The following DNAH10 variants were observed in gnomAD, a reference collection of about 807,000 sequenced individuals.
DNAH10 encodes the protein axonemal beta dynein heavy chain 10.
A neutral mutation model predicts 506.6 loss-of-function variants in DNAH10; 348 were observed. That is an observed-to-expected ratio of 0.69 (90% CI 0.63 to 0.75). DNAH10 has a LOEUF of 0.75. Among genes scored for constraint, DNAH10 ranks in the 30% least tolerant of loss-of-function variants. DNAH10 has a pLI of 0.00. For missense variants in DNAH10, 5,179 were observed against 5,787.1 expected (o/e 0.89, Z 3.41); for synonymous variants, 2,059 against 2,198.6 (o/e 0.94, Z 1.78).
Position 123,930,390 on chromosome 12 carries a change from C to G in DNAH10, c.12613-12C>G, listed in dbSNP as rs747398542. The G allele has an allele frequency of 6.5e-7, 1 of 1,537,248 alleles. No individual in the cohort carries two copies. Among genetic ancestry groups the G allele is most frequent in the South Asian group, 1.3e-5 (1 of 77,540 alleles). On this transcript the variant is annotated splice_polypyrimidine_tract_variant and intron_variant, in intron 72 of 78. Transcript: ENST00000673944. ...TGAGCTCCTGGCTGGCTCTCAGGCC[C>G]TCTAATTTCAGGTCATGTATGGAGG...
chr12:123,767,942 A>C (rs1325131896), intron 2 of DNAH10, among the ~76,000 whole-genome samples: 1 of 152,150 alleles, frequency 6.6e-6, no homozygotes, highest in Admixed American at 6.5e-5. Flanking sequence ...CTCCAAAATC[A>C]AGGTGCTGGC....
At chr12:123,912,445 CT>C (rs1673508232) in intron 59 of DNAH10, among the ~76,000 whole-genome samples, 1 of 60,090 alleles carries the variant, frequency 1.7e-5, no homozygotes, top group Non-Finnish European at 2.8e-5. Context: ...GGGGTCTGTC[CT>C]GGGGGGTCTG....
At position 123,929,311 on chromosome 12, in the gene DNAH10, A is replaced by T. The variant is rs1335849761; in HGVS notation, c.12343A>T (p.Met4115Leu). The T allele has an allele frequency of 6.2e-7, 1 of 1,604,638 alleles. No individual in the cohort carries two copies. The part of the protein sequence containing the change: ...TEPPNGLKLN[M>L]RATYFKISHE... ...GCCACCCAATGGGCTGAAACTCAACATGAGGGCAACTTACTTCAAGATCTC... is the reference window on the plus strand; with the variant it reads ...GCCACCCAATGGGCTGAAACTCAACTTGAGGGCAACTTACTTCAAGATCTC... Residue 4115 changes from methionine (M) to leucine (L), a missense_variant, in exon 71 of 79, where the codon ATG (methionine) becomes TTG (leucine). Coordinates refer to ENST00000673944, the MANE Select transcript of DNAH10 (RefSeq NM_001372106.1).
chr12:123,801,879 G>A (rs1404287834), intron 16 of DNAH10, among the ~76,000 whole-genome samples: 2 of 152,158 alleles, frequency 1.3e-5, no homozygotes, highest in East Asian at 1.9e-4. Flanking sequence ...ACACCACAGC[G>A]AGTACTGTCA....
intron 5 of DNAH10, among the ~76,000 whole-genome samples, chr12:123,775,581 A>C (rs1030808474): frequency 1.3e-5 from 2 of 152,332 alleles, no homozygotes; most frequent in South Asian, 2.1e-4. Context: ...TGCTGGGCAG[A>C]GAGAACAGCA....
rs896465122 is a variant in DNAH10 at position 123,902,864 on chromosome 12, C to T, written c.9641-75C>T. 39 of 1,487,506 alleles carry T rather than the reference C, an allele frequency of 2.6e-5. No homozygotes were observed. The highest frequency in any genetic ancestry group is 1.4e-4 in the Admixed American group (6 of 44,272). The allele number at this position is 1,487,506 out of a possible 1,614,324, so 92.1% of individuals were successfully genotyped here. ...CTCAAGCCAACCTTTGAGGACTGCA[C>T]TCTGCTCAGAGCCGGGGCCGCGAGT... On this transcript the variant is annotated intron_variant, in intron 56 of 78. Coordinates refer to ENST00000673944, the MANE Select transcript of DNAH10 (RefSeq NM_001372106.1). The surrounding 1 kb of genome is among the most constrained non-coding windows in gnomAD (Gnocchi z 4.5).
Position 123,903,096 on chromosome 12 carries a change from G to A in DNAH10, c.9798G>A (p.Ser3266=), listed in dbSNP as rs766917235. Residue 3266 remains serine (S), a synonymous_variant, in exon 57 of 79, where the codon TCG becomes TCA. Coordinates refer to ENST00000673944, the MANE Select transcript of DNAH10 (RefSeq NM_001372106.1). This position sits in a 1 kb window ranked among gnomAD's most constrained non-coding sequence, Gnocchi z 4.6. ...TGGAACTGCAGAAGCTGGACAAGTCGGACGTGACTGAGATTAGGTAATGCA... is the reference window on the plus strand; with the variant it reads ...TGGAACTGCAGAAGCTGGACAAGTCAGACGTGACTGAGATTAGGTAATGCA... ...AKLELQKLDK[S]DVTEIRSFAK... 47 of 1,610,390 alleles carry A rather than the reference G, an allele frequency of 2.9e-5. No individual in the cohort carries two copies. In the African/African-American group the frequency reaches 4.5e-4, roughly 16 times the overall value.
In DNAH10 at chr12:123,879,288, G is replaced by T; in HGVS notation, c.8397G>T (p.Val2799=). 1.9e-6 allele frequency: 3 copies of T among 1,579,110 alleles called. No homozygotes were observed. The highest frequency in any genetic ancestry group is 1.8e-5 in the Admixed American group (1 of 54,856). Residue 2799 remains valine (V), a synonymous_variant, in exon 49 of 79, where the codon GTG becomes GTT. Coordinates refer to ENST00000673944, the MANE Select transcript of DNAH10 (RefSeq NM_001372106.1). ...GATTCCAGACGGTGGCCCAGATGGT[G>T]AGAGTCTGGAGGAATGAGTGTCTGA... ...PERFQTVAQM[V]RVWRNECLRV...
chr12:123,846,442 A>G lies in DNAH10; in HGVS notation c.5814+288A>G, dbSNP rs1300350161. 2.0e-5 allele frequency among the ~76,000 whole-genome samples: 3 copies of G among 152,150 alleles called. No individual in the cohort carries two copies. Among genetic ancestry groups the G allele is most frequent in the African/African-American group, 7.2e-5 (3 of 41,438 alleles). ...AGGAATGTCAAAGGTGGTGACTGTT[A>G]GGGCAAGTGTGATGTGGTTTTGCAC... On this transcript the variant is annotated intron_variant, in intron 32 of 78. Coordinates refer to ENST00000673944, the MANE Select transcript of DNAH10 (RefSeq NM_001372106.1). The surrounding 1 kb of genome is among the most constrained non-coding windows in gnomAD (Gnocchi z 4.5).
chr12:123,854,582 A>G (rs765331095), intron 36 of DNAH10, among the ~76,000 whole-genome samples: 2 of 152,242 alleles, frequency 1.3e-5, no homozygotes, highest in Non-Finnish European at 2.9e-5. Context: ...AGGACTTCCG[A>G]GAAAGAGGTA....
Position 123,804,978 on chromosome 12 carries a change from G to T in DNAH10, c.2925G>T (p.Leu975=). The T allele has an allele frequency of 6.2e-7, 1 of 1,614,178 alleles. No homozygotes were observed. Among genetic ancestry groups the T allele is most frequent in the Non-Finnish European group, 8.5e-7 (1 of 1,180,038 alleles). Residue 975 remains leucine (L), a synonymous_variant, in exon 18 of 79, where the codon CTG becomes CTT. Transcript: ENST00000673944. ...CCAACACAGGCAAGGCCCCCAAGCT[G>T]GCCTCCTACTACAAATACTGGGAAA... ...VHTNTGKAPK[L]ASYYKYWEKK...
chr12:123,879,866 G>A, intron 50 of DNAH10, 65 bp downstream of exon 50: 1 of 1,563,276 alleles, frequency 6.4e-7, no homozygotes, highest in South Asian at 1.2e-5. Flanking sequence ...AGCGGGAGCT[G>A]AGCATCGCGC....
chr12:123,832,189 C>T (rs576472560), intron 26 of DNAH10, among the ~76,000 whole-genome samples: 48 of 152,170 alleles, frequency 3.2e-4, no homozygotes, highest in African/African-American at 6.3e-4. Flanking sequence ...AATATACACA[C>T]GTACACATAA....
Position 123,914,883 on chromosome 12 carries a change from C to T in DNAH10, c.10606C>T (p.Leu3536Phe), listed in dbSNP as rs1327530242. The T allele has an allele frequency of 6.2e-7, 1 of 1,613,680 alleles. No individual in the cohort carries two copies. Among genetic ancestry groups the T allele is most frequent in the Admixed American group, 1.7e-5 (1 of 59,980 alleles). The change falls in exon 62 of 79, where the codon CTC (leucine) becomes TTC (phenylalanine). Residue 3536 changes from leucine to phenylalanine, a missense_variant. Transcript: ENST00000673944. ...ATCCCAGGGCCTTCCCCCCGATGAG[C>T]TCTCCGTTCAGAATGGCATCCTCAC... ...WGSQGLPPDE[L>F]SVQNGILTTR...
In DNAH10 at chr12:123,873,502, A is replaced by G. The variant is rs1045955303; in HGVS notation, c.7786-56A>G. 5 of 1,541,766 alleles carry G rather than the reference A, an allele frequency of 3.2e-6. No homozygotes were observed. In the South Asian group the frequency reaches 6.4e-5, roughly 20 times the overall value. ...GTTGCTAGCTTATTTGCAAATGTTT[A>G]CTGCTGCTACCCTGGGGAAAAAGCT... On this transcript the variant is annotated intron_variant, in intron 45 of 78. Transcript: ENST00000673944.
At position 123,819,057 on chromosome 12, in the gene DNAH10, T is replaced by G; in HGVS notation, c.3888T>G (p.Thr1296=). ...VEHALGDIKR[T]FTELTRGEIM... ...ATGCTCTTGGGGACATAAAGAGAAC[T>G]TTCACAGAGGTACCTTTTAAATTTC... Residue 1296 remains threonine (T), a synonymous_variant, in exon 22 of 79, where the codon ACT becomes ACG. Coordinates refer to ENST00000673944, the MANE Select transcript of DNAH10 (RefSeq NM_001372106.1). 6.2e-7 allele frequency: 1 copy of G among 1,602,106 alleles called. No individual in the cohort carries two copies. The highest frequency in any genetic ancestry group is 8.5e-7 in the Non-Finnish European group (1 of 1,173,792).
intron 11 of DNAH10, among the ~76,000 whole-genome samples, chr12:123,792,398 C>CCAGA (rs1211875443): frequency 6.6e-6 from 1 of 152,054 alleles, no homozygotes; most frequent in African/African-American, 2.4e-5. Context: ...GGCCTTCCTC[C>CCAGA]CAGAGCTCAT....
At position 123,925,071 on chromosome 12, in the gene DNAH10, G is replaced by T; in HGVS notation, c.11788G>T (p.Glu3930Ter). 6.2e-7 allele frequency: 1 copy of T among 1,613,986 alleles called. No homozygotes were observed. The highest frequency in any genetic ancestry group is 1.1e-5 in the South Asian group (1 of 91,074). The change falls in exon 68 of 79, where the codon GAG becomes TAG. Residue 3930 changes from glutamate (E) to a stop codon, truncating the protein, a stop_gained. Coordinates refer to ENST00000673944, the MANE Select transcript of DNAH10 (RefSeq NM_001372106.1). LOFTEE classifies it high-confidence loss of function. This position sits in a 1 kb window ranked among gnomAD's most constrained non-coding sequence, Gnocchi z 4.0. ...CCAGTGGTATGACCTGGATTCACTG[G>T]AGCAGTTTCCCGTCCCCTTGGGTTA... ...WQEWYDLDSLEQFPVPLGYDN... is the reference protein window; with the variant it reads ...WQEWYDLDSL
chr12:123,934,613 G>C lies in DNAH10; in HGVS notation c.13478-8G>C, dbSNP rs747114066. ...CAGTTGTATCCAGTCTCTGCCTTGT[G>C]TCCCTAGGATGCTTTGTCTCAGGAC... is the stretch of plus-strand genomic sequence containing the variant. On this transcript the variant is annotated splice_region_variant and splice_polypyrimidine_tract_variant and intron_variant, in intron 77 of 78. Coordinates refer to ENST00000673944, the MANE Select transcript of DNAH10 (RefSeq NM_001372106.1). 1.5e-5 allele frequency: 24 copies of C among 1,613,170 alleles called. No homozygotes were observed. Among genetic ancestry groups the C allele is most frequent in the Middle Eastern group, 1.6e-4 (1 of 6,062 alleles).
Sources: gnomAD v4.1 joint callset for allele counts (sites outside exome capture counted in the v4.1 genomes callset) on GRCh38, gnomAD v4.1.1 for gene constraint, Gnocchi (gnomAD v3.1) non-coding constraint, MANE v1.5 for transcripts, NCBI Gene and HGNC (gene_info 2026-07-23, HGNC 2026-07-21) for gene names.